ZNF83: variants seen among roughly 807,000 people sequenced by gnomAD.
The protein encoded by ZNF83 is zinc finger protein 83.
For missense variants in ZNF83, 552 were observed against 629.9 expected (o/e 0.88, Z 1.32); for synonymous variants, 209 against 213.0 (o/e 0.98, Z 0.17).
chr19:52,621,243 TTGGGTAAGTGGTCTTTTTACTGTC>T (rs2060531744), intron 2 of ZNF83, among the ~76,000 whole-genome samples: 1 of 152,212 alleles, frequency 6.6e-6, no homozygotes, highest in Non-Finnish European at 1.5e-5. Context: ...CAATTTCAAA[TTGGGTAAGTGGTCTTTTTACTGTC>T]TTCTCCAACT....
Position 52,678,472 on chromosome 19 carries a change from G to GA in ZNF83, c.-283+11970dup, listed in dbSNP as rs888889073. 3.2e-3 allele frequency among the ~76,000 whole-genome samples: 455 copies of GA among 142,148 alleles called. 6 individuals are homozygous for GA. Among genetic ancestry groups the GA allele is most frequent in the African/African-American group, 0.011 (427 of 38,838 alleles). The allele number at this position is 142,148 out of a possible 152,430, so 93.3% of individuals were successfully genotyped here. ...CTCAAAAAAAAAAAAAAAGAAAAAA[G>GA]AAAAAAAAACTGGAGGGTAAATCTT... On this transcript the variant is annotated intron_variant, in intron 1 of 5. Coordinates refer to the ZNF83 transcript ENST00000594682.
intron 2 of ZNF83, among the ~76,000 whole-genome samples, chr19:52,631,929 A>G (rs572820785): frequency 8.1e-6 from 1 of 124,066 alleles, no homozygotes; most frequent in Non-Finnish European, 1.7e-5. Context: ...CTCAGGGATT[A>G]TTCAGGCCCC....
chr19:52,674,015 C>CAAAAAAAAAA (rs67570337), intron 1 of ZNF83, among the ~76,000 whole-genome samples: 1 of 73,042 alleles, frequency 1.4e-5, no homozygotes, highest in African/African-American at 5.2e-5. Context: ...GACTCCATCT[C>CAAAAAAAAAA]AAAAAAAAAA....
intron 1 of ZNF83, among the ~76,000 whole-genome samples, chr19:52,686,319 T>C (rs899218): frequency 0.63 from 95,412 of 151,518 alleles, 30,272 homozygotes; most frequent in African/African-American, 0.71. Flanking sequence ...GGAACTTAAC[T>C]GGAACATATA....
chr19:52,651,511 C>G (rs918762454), intron 3 of ZNF83: 6 of 152,118 alleles, frequency 3.9e-5, no homozygotes, highest in African/African-American at 1.4e-4. Context: ...CATCAGCCTT[C>G]TCAACCATCT....
chr19:52,638,929 G>T (rs1393127640), upstream of ZNF83, among the ~76,000 whole-genome samples: 2 of 152,328 alleles, frequency 1.3e-5, no homozygotes, highest in Admixed American at 1.3e-4. Context: ...GTTCAGGCCA[G>T]CCTGGGCGAC....
At chr19:52,669,144 G>GA (rs1344161961) in intron 1 of ZNF83, among the ~76,000 whole-genome samples, 1 of 152,208 alleles carries the variant, frequency 6.6e-6, no homozygotes, top group Non-Finnish European at 1.5e-5. Context: ...CTGAGTAACT[G>GA]AAGTGGCACT....
chr19:52,667,247 G>C (rs2061667114), intron 1 of ZNF83, among the ~76,000 whole-genome samples: 1 of 149,718 alleles, frequency 6.7e-6, no homozygotes, highest in Non-Finnish European at 1.5e-5. Context: ...AAAAAAAGGA[G>C]GAAGGAGAAT....
intron 2 of ZNF83, among the ~76,000 whole-genome samples, chr19:52,621,157 C>T (rs529390065): frequency 5.9e-5 from 9 of 152,118 alleles, no homozygotes; most frequent in African/African-American, 1.4e-4. Context: ...GAGACTGATC[C>T]CCTGTCCTGA....
intron 2 of ZNF83, chr19:52,619,133 C>T (rs879023061): frequency 1.2e-5 from 19 of 1,611,226 alleles, no homozygotes; most frequent in East Asian, 1.1e-4. Context: ...ATGAGGAGAG[C>T]GGTGACAACA....
intron 3 of ZNF83, among the ~76,000 whole-genome samples, chr19:52,645,356 T>C (rs1427313515): frequency 1.3e-5 from 2 of 152,172 alleles, no homozygotes; most frequent in African/African-American, 2.4e-5. Flanking sequence ...AGAAACTATT[T>C]TGAAATTGTT....
At chr19:52,654,233 T>A in intron 3 of ZNF83, 2 of 1,580,318 alleles carry the variant, frequency 1.3e-6, no homozygotes, top group Non-Finnish European at 1.7e-6. Context: ...CCATTTCTTT[T>A]AATTTCTTGC....
At chr19:52,646,457 G>A (rs142993321) in intron 3 of ZNF83, among the ~76,000 whole-genome samples, 104 of 152,234 alleles carry the variant, frequency 6.8e-4, no homozygotes, top group African/African-American at 2.3e-3. Flanking sequence ...GCCAAGGTAC[G>A]AGGATCACTT....
At chr19:52,629,722 A>G (rs1299581913) in intron 2 of ZNF83, among the ~76,000 whole-genome samples, 2 of 151,394 alleles carry the variant, frequency 1.3e-5, no homozygotes, top group Non-Finnish European at 2.9e-5. Context: ...CCAGTTCATG[A>G]CTCGTTTGGC....
chr19:52,660,134 C>A (rs1005508143), intron 2 of ZNF83, among the ~76,000 whole-genome samples: 1 of 70,138 alleles, frequency 1.4e-5, no homozygotes, highest in African/African-American at 4.2e-5. Context: ...TGGTAAGAAT[C>A]ATGGTGGTAA....
chr19:52,620,505 A>G (rs952566720), intron 2 of ZNF83, among the ~76,000 whole-genome samples: 56 of 152,190 alleles, frequency 3.7e-4, no homozygotes, highest in Admixed American at 2.0e-4. Flanking sequence ...GGCACTCCTT[A>G]TACAGAGAAA....
intron 3 of ZNF83, chr19:52,653,270 G>A (rs534299251): frequency 6.4e-5 from 95 of 1,481,230 alleles, no homozygotes; most frequent in Non-Finnish European, 8.4e-5. Flanking sequence ...TGACATGCAA[G>A]GTGTGCTTTT....
chr19:52,613,611 T>A (rs2060190359), exon 3 of ZNF83: 1 of 1,613,432 alleles, frequency 6.2e-7, no homozygotes, highest in African/African-American at 1.3e-5. Flanking sequence ...ACTCATTACA[T>A]TTGTAAGGTT....
At chr19:52,623,977 C>G (rs1318981745) in intron 2 of ZNF83, among the ~76,000 whole-genome samples, 2 of 152,122 alleles carry the variant, frequency 1.3e-5, no homozygotes, top group African/African-American at 4.8e-5. Context: ...CATTCTTGAT[C>G]TTAAACATGC....
Sources: allele counts gnomAD v4.1 joint callset (sites outside exome capture counted in the v4.1 genomes callset), GRCh38; gene constraint gnomAD v4.1.1; transcripts MANE v1.5; gene names NCBI Gene and HGNC (gene_info 2026-07-23, HGNC 2026-07-21).